ZNF536: variants seen among roughly 807,000 people sequenced by gnomAD.
ZNF536 encodes the protein zinc finger protein 536.
In ZNF536, 13 loss-of-function variants were observed where a neutral mutation model predicts 84.5. The observed-to-expected ratio is 0.15, with a 90% CI of 0.10 to 0.24. ZNF536 has a LOEUF of 0.24. Ranked by LOEUF, ZNF536 falls within the 10% of genes least tolerant of loss-of-function variation. The pLI, the probability that ZNF536 is intolerant of heterozygous loss-of-function variation, is 1.00. For missense variants in ZNF536, 1,536 were observed against 1,747.5 expected, an observed-to-expected ratio of 0.88 and a Z score of 2.16; for synonymous variants, 811 against 742.5, an observed-to-expected ratio of 1.09 and a Z score of -1.50.
At chr19:30,286,235 C>T (rs1242604453) in intron 2 of ZNF536, among the ~76,000 whole-genome samples, 2 of 152,108 alleles carry the variant, frequency 1.3e-5, no homozygotes, top group Admixed American at 6.5e-5. Context: ...TATTGTAGTG[C>T]GGGCGAGATG....
intron 1 of ZNF536, among the ~76,000 whole-genome samples, chr19:30,592,983 C>T (rs2047326644): frequency 6.6e-6 from 1 of 152,190 alleles, no homozygotes; most frequent in Non-Finnish European, 1.5e-5. Flanking sequence ...TCATCAAGTC[C>T]AGCATCTTCT....
chr19:30,315,720 G>C (rs746081945), intron 2 of ZNF536, among the ~76,000 whole-genome samples: 4 of 152,156 alleles, frequency 2.6e-5, no homozygotes, highest in Non-Finnish European at 5.9e-5. Flanking sequence ...TTCTCCCATC[G>C]ATGGAGAAAA....
intron 1 of ZNF536, among the ~76,000 whole-genome samples, chr19:30,373,855 G>C (rs760729392): frequency 6.6e-6 from 1 of 152,196 alleles, no homozygotes; most frequent in Admixed American, 6.5e-5. Context: ...GAGGAGGAGC[G>C]GCCTGAGCTG....
intron 1 of ZNF536, among the ~76,000 whole-genome samples, chr19:30,563,264 A>T (rs2046235378): frequency 1.3e-5 from 2 of 152,078 alleles, no homozygotes; most frequent in South Asian, 4.1e-4. Flanking sequence ...CCCATCTGGG[A>T]TTCTTCCCAT....
chr19:30,348,981 G>T (rs182296838), intron 2 of ZNF536, among the ~76,000 whole-genome samples: 2 of 152,128 alleles, frequency 1.3e-5, no homozygotes, highest in Non-Finnish European at 2.9e-5. Context: ...ATAATCTTGA[G>T]TGCAAGCCAG....
intron 1 of ZNF536, among the ~76,000 whole-genome samples, chr19:30,695,315 G>T (rs1005131706): frequency 1.3e-5 from 2 of 152,298 alleles, no homozygotes; most frequent in Middle Eastern, 3.4e-3. Flanking sequence ...CCAGAAAGAG[G>T]TCCTTCAGTA....
chr19:30,380,446 A>C (rs1450696144), intron 1 of ZNF536, among the ~76,000 whole-genome samples: 1 of 152,174 alleles, frequency 6.6e-6, no homozygotes, highest in Admixed American at 6.5e-5. Context: ...CGGAGAACCC[A>C]CGGCTCGGCC....
chr19:30,528,854 C>T (rs894392940), intron 2 of ZNF536, among the ~76,000 whole-genome samples: 1 of 151,704 alleles, frequency 6.6e-6, no homozygotes, highest in Non-Finnish European at 1.5e-5. Flanking sequence ...CATTTCTTCT[C>T]GCCTCTTTAA....
At chr19:30,655,264 G>A (rs747187333) in intron 1 of ZNF536, among the ~76,000 whole-genome samples, 6 of 152,172 alleles carry the variant, frequency 3.9e-5, no homozygotes, top group African/African-American at 7.2e-5. Flanking sequence ...AGGGGTAGCC[G>A]GGTGACTGCA....
chr19:30,538,467 CA>C (rs1465298892), intron 3 of ZNF536, among the ~76,000 whole-genome samples: 1 of 152,174 alleles, frequency 6.6e-6, no homozygotes, highest in Non-Finnish European at 1.5e-5. Context: ...TGCATTAACT[CA>C]ATTACTGTTT....
At chr19:30,347,118 T>TC (rs2047769556) in intron 2 of ZNF536, among the ~76,000 whole-genome samples, 1 of 96,282 alleles carries the variant, frequency 1.0e-5, no homozygotes, top group East Asian at 4.0e-4. Context: ...TTTTTTTTTT[T>TC]TTATATGATT....
rs555828446 is a variant in ZNF536 at position 30,521,619 on chromosome 19, G to A, written c.2171-13228G>A. Among the ~76,000 whole-genome samples, 19 of 152,262 alleles carry A rather than the reference G, an allele frequency of 1.2e-4. 1 individual carries two copies. The South Asian group carries it at 3.5e-3, about 28-fold the overall frequency. On this transcript the variant is annotated intron_variant, in intron 2 of 4. Transcript: ENST00000355537. ...AAGCATTCATTTATTCACCCCATTT[G>A]GGGTGAATATTGGCTGGACACCGGC... is the stretch of plus-strand genomic sequence containing the variant.
intron 1 of ZNF536, among the ~76,000 whole-genome samples, chr19:30,657,872 T>C (rs1271440785): frequency 6.6e-6 from 1 of 152,198 alleles, no homozygotes; most frequent in Non-Finnish European, 1.5e-5. Flanking sequence ...CCCTGAGGAA[T>C]GGGTGTCATC....
At chr19:30,711,602 C>T (rs1404226342) in exon 2 of ZNF536, 1 of 152,194 alleles carries the variant, frequency 6.6e-6, no homozygotes. Context: ...GGCTGACCGG[C>T]ACTGCAGAGG....
chr19:30,576,417 G>A (rs142000744), intron 1 of ZNF536, among the ~76,000 whole-genome samples: 285 of 152,298 alleles, frequency 1.9e-3, no homozygotes, highest in Non-Finnish European at 3.2e-3. Flanking sequence ...CTTCTCCAGA[G>A]CCCCACCCCT....
intron 1 of ZNF536, among the ~76,000 whole-genome samples, chr19:30,589,455 G>A (rs542249734): frequency 6.6e-6 from 1 of 152,228 alleles, no homozygotes; most frequent in African/African-American, 2.4e-5. Flanking sequence ...TGAAGTTGAG[G>A]AGTCCACCCA....
intron 1 of ZNF536, among the ~76,000 whole-genome samples, chr19:30,633,380 A>T (rs1039361458): frequency 6.6e-6 from 1 of 152,264 alleles, no homozygotes; most frequent in Non-Finnish European, 1.5e-5. Context: ...TCTGATTAAC[A>T]TATCCCATCA....
intron 1 of ZNF536, among the ~76,000 whole-genome samples, chr19:30,676,460 T>C (rs182884759): frequency 6.6e-6 from 1 of 152,338 alleles, no homozygotes. Context: ...TGAGAACATA[T>C]CTGTATTTGC....
rs533342045 is a variant in ZNF536, at chr19:30,417,510, C to T, written c.-2-26051C>T. 4.5e-3 allele frequency among the ~76,000 whole-genome samples: 689 copies of T among 151,954 alleles called. 4 individuals are homozygous for T. The highest frequency in any genetic ancestry group is 0.015 in the African/African-American group (640 of 41,400). The stretch of plus-strand genomic sequence containing the variant: ...TCCACTGCAAATGTTATTTAAATTT[C>T]GACTTTCTGGGTTTTAAGATTTAAT... On this transcript the variant is annotated intron_variant, in intron 1 of 4. Transcript: ENST00000355537.
Sources: gnomAD v4.1 joint callset for allele counts (sites outside exome capture counted in the v4.1 genomes callset) on GRCh38, gnomAD v4.1.1 for gene constraint, MANE v1.5 for transcripts, NCBI Gene and HGNC (gene_info 2026-07-23, HGNC 2026-07-21) for gene names.